The following JMJD1C variants were observed in gnomAD, a reference collection of about 807,000 sequenced individuals.
JMJD1C encodes jumonji domain containing 1C.
JMJD1C carries 31 observed loss-of-function variants against 245.3 expected under a neutral mutation model. The ratio of observed to expected loss-of-function variants is 0.13; its 90% CI spans 0.09 to 0.17. JMJD1C has a LOEUF of 0.17. Ranked by LOEUF, JMJD1C falls within the 10% of genes least tolerant of loss-of-function variation. The pLI is 1.00. For missense variants in JMJD1C, 2,691 were observed against 3,000.2 expected (o/e 0.90, Z 2.41); for synonymous variants, 1,057 against 1,017.4 (o/e 1.04, Z -0.74).
At chr10:63,204,639 A>G (rs1430645066) in intron 10 of JMJD1C, 23 of 985,316 alleles carry the variant, frequency 2.3e-5, no homozygotes, top group Non-Finnish European at 2.8e-5. Flanking sequence ...AGGGGAACAC[A>G]TAAGAAAAAG....
At chr10:63,226,093 G>T (rs1000046046) in intron 3 of JMJD1C, among the ~76,000 whole-genome samples, 1 of 151,896 alleles carries the variant, frequency 6.6e-6, no homozygotes, top group South Asian at 2.1e-4. Context: ...ATATGTAAGG[G>T]GTAAAAGGCA....
At chr10:63,273,299 C>A (rs746610023) in intron 2 of JMJD1C, among the ~76,000 whole-genome samples, 7 of 152,202 alleles carry the variant, frequency 4.6e-5, no homozygotes, top group Non-Finnish European at 1.0e-4. Context: ...TCAAGCCATC[C>A]TCCTGCCTCA....
chr10:63,446,423 G>A (rs1364363075), intron 1 of JMJD1C, among the ~76,000 whole-genome samples: 1 of 152,158 alleles, frequency 6.6e-6, no homozygotes, highest in Non-Finnish European at 1.5e-5. Context: ...GTTTCAACAA[G>A]AGTCTGAGAT....
intron 2 of JMJD1C, among the ~76,000 whole-genome samples, chr10:63,322,757 C>T (rs577432409): frequency 5.1e-5 from 7 of 137,766 alleles, no homozygotes; most frequent in East Asian, 4.3e-4. Flanking sequence ...GAGCCAAGAT[C>T]GCACCACTGG....
Position 63,427,599 on chromosome 10 carries a change from C to T in JMJD1C, c.168+37896G>A. On this transcript the variant is annotated intron_variant, in intron 1 of 25. Transcript: ENST00000399262. ...TGACCACCTTCACCTGGAACATCAA[C>T]CATGCCCGGCTGATGGTGGTGGAGA... 1.2e-5 allele frequency: 17 copies of T among 1,405,500 alleles called. No homozygotes were observed. In the South Asian group the frequency reaches 1.7e-4, roughly 14 times the overall value. 87.1% of individuals were successfully genotyped at this position (1,405,500 alleles called of 1,614,324 possible).
intron 2 of JMJD1C, chr10:63,301,941 T>A: frequency 3.5e-6 from 1 of 285,714 alleles, no homozygotes; most frequent in Non-Finnish European, 7.0e-6. Flanking sequence ...TTCCTATGAG[T>A]ACATACAGAA....
intron 1 of JMJD1C, among the ~76,000 whole-genome samples, chr10:63,482,091 A>G (rs1430915178): frequency 6.6e-6 from 1 of 152,226 alleles, no homozygotes; most frequent in East Asian, 1.9e-4. Context: ...AACCGCAACT[A>G]AATGAAAGGA....
At chr10:63,244,989 T>C (rs1371329065) in intron 3 of JMJD1C, among the ~76,000 whole-genome samples, 4 of 151,610 alleles carry the variant, frequency 2.6e-5, no homozygotes, top group African/African-American at 4.8e-5. Context: ...ATACAAAAAG[T>C]AGCTGGGCAT....
chr10:63,222,533 A>G (rs1848722287), intron 3 of JMJD1C: 2 of 1,423,000 alleles, frequency 1.4e-6, no homozygotes, highest in East Asian at 4.6e-5. Flanking sequence ...TCCCAAAGAT[A>G]CTCAACTCAA....
At chr10:63,406,876 G>A (rs1949202319) in intron 1 of JMJD1C, among the ~76,000 whole-genome samples, 1 of 152,020 alleles carries the variant, frequency 6.6e-6, no homozygotes, top group Admixed American at 6.6e-5. Context: ...AATGAATGTA[G>A]GACTCAAAGA....
chr10:63,238,504 A>G (rs1851056205), intron 3 of JMJD1C, among the ~76,000 whole-genome samples: 1 of 152,240 alleles, frequency 6.6e-6, no homozygotes, highest in South Asian at 2.1e-4. Context: ...TTCCTTCATG[A>G]AATAACATAC....
chr10:63,325,587 G>T (rs1464241233), intron 2 of JMJD1C, among the ~76,000 whole-genome samples: 1 of 152,110 alleles, frequency 6.6e-6, no homozygotes, highest in Admixed American at 6.6e-5. Context: ...AGCCTAAAAA[G>T]AACTTTCTTC....
intron 3 of JMJD1C, among the ~76,000 whole-genome samples, chr10:63,229,370 G>A (rs1050111593): frequency 5.9e-5 from 9 of 151,936 alleles, no homozygotes; most frequent in Admixed American, 1.3e-4. Context: ...GGGCTACTCT[G>A]GGCACACTGC....
At chr10:63,174,265 G>A (rs2132780311) in intron 24 of JMJD1C, among the ~76,000 whole-genome samples, 1 of 152,102 alleles carries the variant, frequency 6.6e-6, no homozygotes. Flanking sequence ...ATCTATTATT[G>A]CCCCAAAGTG....
intron 1 of JMJD1C, among the ~76,000 whole-genome samples, chr10:63,454,587 C>T (rs1176131661): frequency 2.0e-5 from 3 of 152,158 alleles, no homozygotes; most frequent in Non-Finnish European, 2.9e-5. Context: ...TGCACCACCA[C>T]ACCCAGTTAA....
At chr10:63,168,623 G>A in intron 24 of JMJD1C, 57 bp from the exon 25 acceptor site, 1 of 1,472,420 alleles carries the variant, frequency 6.8e-7, no homozygotes. Flanking sequence ...GCAAAGAAAA[G>A]CCAAGTTATT....
At chr10:63,514,500 C>G (rs7068144) in intron 1 of JMJD1C, among the ~76,000 whole-genome samples, 100,346 of 152,040 alleles carry the variant, frequency 0.66, 36,040 homozygotes, top group Non-Finnish European at 0.81. Flanking sequence ...AGTTGGAGGT[C>G]ATTATCCTAA....
chr10:63,507,662 A>AAAAAAAAAAAAAAAG (rs1954764045), intron 1 of JMJD1C, among the ~76,000 whole-genome samples: 1 of 150,984 alleles, frequency 6.6e-6, no homozygotes, highest in Non-Finnish European at 1.5e-5. Context: ...AAAAAAAAAA[A>AAAAAAAAAAAAAAAG]ACAGTGGCTG....
chr10:63,316,808 A>G (rs1231160048), intron 2 of JMJD1C, among the ~76,000 whole-genome samples: 2 of 152,056 alleles, frequency 1.3e-5, no homozygotes, highest in East Asian at 3.9e-4. Flanking sequence ...AATTGTATTG[A>G]TCAAGTTAAG....
Sources: gnomAD v4.1 joint callset for allele counts (sites outside exome capture counted in the v4.1 genomes callset) on GRCh38, gnomAD v4.1.1 for gene constraint, MANE v1.5 for transcripts, NCBI Gene and HGNC (gene_info 2026-07-23, HGNC 2026-07-21) for gene names.